SPTB: variants seen among roughly 807,000 people sequenced by gnomAD.
SPTB encodes the protein spectrin beta, erythrocytic, also known as spectrin beta chain, erythrocytic.
Under a neutral mutation model 256.2 loss-of-function variants are expected in SPTB, and 45 were observed. The ratio of observed to expected loss-of-function variants is 0.18; its 90% CI spans 0.14 to 0.23. The LOEUF is 0.23. SPTB is among the 10% of genes least tolerant of loss of function. The pLI is 1.00. For synonymous variants in SPTB, 1,231 were observed against 1,243.1 expected (o/e 0.99, Z 0.21); for missense variants, 2,715 against 3,040.4 (o/e 0.89, Z 2.52).
chr14:64,754,107 T>A (rs1594739773), intron 32 of SPTB: 1 of 483,716 alleles, frequency 2.1e-6, no homozygotes, highest in Non-Finnish European at 3.8e-6. Flanking sequence ...CCTGAGTGAT[T>A]ATTTCATTAA....
At chr14:64,791,404 A>G (rs1272863029) in intron 15 of SPTB, among the ~76,000 whole-genome samples, 3 of 151,988 alleles carry the variant, frequency 2.0e-5, no homozygotes, top group Non-Finnish European at 4.4e-5. Flanking sequence ...CATCTCTACT[A>G]AAAATACAAA....
Position 64,785,408 on chromosome 14 carries a change from G to T in SPTB, c.3855+129C>A. The T allele has an allele frequency of 1.2e-6, 1 of 806,332 alleles. No homozygotes were observed. 49.9% of individuals were successfully genotyped at this position (806,332 alleles called of 1,614,324 possible). A position where few individuals can be genotyped will look rare whatever the true frequency, so the allele number is the denominator to read the frequency against. ...AGAGAATGACCCAATTAAGTACCCA[G>T]AGGTCCCCGCTCATGGAATCCCACA... On this transcript the variant is annotated intron_variant, in intron 18 of 35. Coordinates refer to ENST00000644917, the MANE Select transcript of SPTB (RefSeq NM_001355436.2). This position sits in a 1 kb window ranked among gnomAD's most constrained non-coding sequence, Gnocchi z 4.4.
At chr14:64,855,176 T>TA (rs754892350) in intron 1 of SPTB, among the ~76,000 whole-genome samples, 4 of 151,644 alleles carry the variant, frequency 2.6e-5, no homozygotes, top group East Asian at 1.9e-4. Context: ...ACAGACAAAA[T>TA]AAAAAAGCAG....
chr14:64,823,002 A>G lies in SPTB; in HGVS notation c.93T>C (p.Asp31=), dbSNP rs749224566. ...AGAGCCTGGCTGAGCTGTTGTCATT[A>G]TCCAGCTCGTCGTCTGGGGCGTCCC... ...ARWDAPDDEL[D]NDNSSARLFE... Residue 31 remains aspartate, a synonymous_variant, in exon 2 of 36, where the codon GAT becomes GAC. Coordinates refer to ENST00000644917, the MANE Select transcript of SPTB (RefSeq NM_001355436.2). This position sits in a 1 kb window ranked among gnomAD's most constrained non-coding sequence, Gnocchi z 6.5. 1.3e-5 allele frequency: 21 copies of G among 1,613,928 alleles called. No homozygotes were observed. Among genetic ancestry groups the G allele is most frequent in the Non-Finnish European group, 1.7e-5 (20 of 1,180,038 alleles).
At chr14:64,768,326 C>T (rs2082222228) in intron 29 of SPTB, 1 of 231,128 alleles carries the variant, frequency 4.3e-6, no homozygotes, top group Non-Finnish European at 8.6e-6. Flanking sequence ...AGATGTTACC[C>T]ACCATGCCTG....
chr14:64,868,461 G>A (rs1350502407), intron 1 of SPTB, among the ~76,000 whole-genome samples: 1 of 152,188 alleles, frequency 6.6e-6, no homozygotes, highest in Non-Finnish European at 1.5e-5. Flanking sequence ...ATGACATGGT[G>A]AGCTTGAGAC....
intron 1 of SPTB, among the ~76,000 whole-genome samples, chr14:64,836,250 A>C (rs2139739423): frequency 6.6e-6 from 1 of 152,296 alleles, no homozygotes; most frequent in African/African-American, 2.4e-5. Flanking sequence ...CCCTCTATTT[A>C]CACTGATTTA....
chr14:64,776,621 T>C (rs1566749864), intron 22 of SPTB, among the ~76,000 whole-genome samples: 1 of 152,176 alleles, frequency 6.6e-6, no homozygotes, highest in Non-Finnish European at 1.5e-5. Flanking sequence ...TTTGTATTTT[T>C]TGTAGAGATG....
intron 28 of SPTB, 151 bp downstream of exon 28, chr14:64,769,439 G>A (rs1426399473): frequency 1.1e-5 from 12 of 1,096,692 alleles, no homozygotes; most frequent in Admixed American, 1.0e-4. Flanking sequence ...TCCAATCCCC[G>A]GGCCTGTGTG....
rs753911478 is a variant in SPTB, at chr14:64,841,753, A to T, written c.-51-18608T>A. The stretch of plus-strand genomic sequence containing the variant: ...CCTCTGACATCCCATATATATATAT[A>T]TATTTTTTAAGGGTCTTTCTTTAAC... On this transcript the variant is annotated intron_variant, in intron 1 of 35. Coordinates refer to ENST00000644917, the MANE Select transcript of SPTB (RefSeq NM_001355436.2). This position sits in a 1 kb window ranked among gnomAD's most constrained non-coding sequence, Gnocchi z 4.6. Among the ~76,000 whole-genome samples, 13 of 152,074 alleles carry T rather than the reference A, an allele frequency of 8.5e-5. No homozygotes were observed. Among genetic ancestry groups the T allele is most frequent in the South Asian group, 2.1e-4 (1 of 4,812 alleles).
Position 64,784,476 on chromosome 14 carries a change from AAGG to A in SPTB, c.3856-86_3856-84del, listed in dbSNP as rs747757496. 5.3e-5 allele frequency: 82 copies of A among 1,556,694 alleles called. 2 individuals carry two copies. The East Asian group carries it at 1.0e-3, about 20-fold the overall frequency. On this transcript the variant is annotated intron_variant, in intron 18 of 35. Coordinates refer to ENST00000644917, the MANE Select transcript of SPTB (RefSeq NM_001355436.2). ...ACCTGCTGCCCATCCCTGGCTGCAG[AAGG>A]AGAAGGCCATGGGGAGGAAGTGCAA... is the stretch of plus-strand genomic sequence containing the variant.
chr14:64,791,640 A>G, intron 15 of SPTB, 79 bp downstream of exon 15: 1 of 1,549,114 alleles, frequency 6.5e-7, no homozygotes. Flanking sequence ...TAGGTGGACT[A>G]AATTTTGGGC....
In SPTB at chr14:64,749,096, C is replaced by T. The variant is rs912261667; in HGVS notation, c.*210G>A. ...GAGCTGGGAGCCCCTGTCCCTGGAG[C>T]GGAGCCAGCGCGGGCGAGGGCATGG... On this transcript the variant is annotated 3_prime_UTR_variant, in exon 36 of 36. Coordinates refer to ENST00000644917, the MANE Select transcript of SPTB (RefSeq NM_001355436.2). The surrounding 1 kb of genome is among the most constrained non-coding windows in gnomAD (Gnocchi z 4.7). 12 of 511,436 alleles carry T rather than the reference C, an allele frequency of 2.3e-5. No individual in the cohort carries two copies. Among genetic ancestry groups the T allele is most frequent in the African/African-American group, 1.0e-4 (5 of 47,676 alleles). 31.7% of individuals were successfully genotyped at this position (511,436 alleles called of 1,614,324 possible).
At chr14:64,787,254 C>T (rs2082588897) in intron 15 of SPTB, 94 bp from the exon 16 acceptor site, 2 of 1,506,748 alleles carry the variant, frequency 1.3e-6, no homozygotes, top group African/African-American at 1.4e-5. Context: ...ACATTTCCCA[C>T]AAGTCTCCCC....
chr14:64,774,342 G>A (rs1566747776), intron 24 of SPTB, 55 bp downstream of exon 24: 2 of 1,543,334 alleles, frequency 1.3e-6, no homozygotes, highest in Non-Finnish European at 1.8e-6. Flanking sequence ...TTGGCTGGTG[G>A]GCCCCTGGCT....
chr14:64,776,821 G>A (rs545783218), intron 22 of SPTB, among the ~76,000 whole-genome samples: 1 of 152,252 alleles, frequency 6.6e-6, no homozygotes, highest in Non-Finnish European at 1.5e-5. Flanking sequence ...CTTCTTCCCT[G>A]TCTTCATTCA....
At position 64,827,851 on chromosome 14, in the gene SPTB, G is replaced by A. The variant is rs1367379017; in HGVS notation, c.-51-4706C>T. ...TCAATATGGCTAAGACTGAGCATGGGGCTACCAGGACAGCAGAACCAGGGA... is the reference window on the plus strand; with the variant it reads ...TCAATATGGCTAAGACTGAGCATGGAGCTACCAGGACAGCAGAACCAGGGA... On this transcript the variant is annotated intron_variant, in intron 1 of 35. Transcript: ENST00000644917. This position sits in a 1 kb window ranked among gnomAD's most constrained non-coding sequence, Gnocchi z 4.6. Among the ~76,000 whole-genome samples, 1 of 152,122 alleles carries A rather than the reference G, an allele frequency of 6.6e-6. No homozygotes were observed. The highest frequency in any genetic ancestry group is 1.5e-5 in the Non-Finnish European group (1 of 68,034).
At position 64,765,816 on chromosome 14, in the gene SPTB, GT is replaced by G. The variant is rs1566740440; in HGVS notation, c.6345+909del. Among the ~76,000 whole-genome samples the G allele has an allele frequency of 9.2e-4, 132 of 143,788 alleles. 1 individual carries two copies. Among genetic ancestry groups the G allele is most frequent in the Middle Eastern group, 7.2e-3 (2 of 278 alleles). 94.3% of individuals were successfully genotyped at this position (143,788 alleles called of 152,430 possible). On this transcript the variant is annotated intron_variant, in intron 32 of 35. Transcript: ENST00000644917. ...AGCTGAGTGATTGGGGTGTGTGTGTGTGTGAGTGTGTGTGTGTGTGGGGGTG... is the reference window on the plus strand; with the variant it reads ...AGCTGAGTGATTGGGGTGTGTGTGTGGTGAGTGTGTGTGTGTGTGGGGGTG...
In SPTB at chr14:64,782,286, G is replaced by A. The variant is rs781286984; in HGVS notation, c.4266+4C>T. 1.4e-5 allele frequency: 23 copies of A among 1,613,992 alleles called. No individual in the cohort carries two copies. Among genetic ancestry groups the A allele is most frequent in the African/African-American group, 2.7e-5 (2 of 74,886 alleles). The stretch of plus-strand genomic sequence containing the variant: ...CACTCTGAGTCTACAACCCACTCAC[G>A]TGCCTTCAGCTTAGCCAACATCCGA... On this transcript the variant is annotated splice_donor_region_variant and intron_variant, in intron 20 of 35. Transcript: ENST00000644917.
Sources: allele counts gnomAD v4.1 joint callset (sites outside exome capture counted in the v4.1 genomes callset), GRCh38; gene constraint gnomAD v4.1.1; non-coding constraint Gnocchi (gnomAD v3.1); transcripts MANE v1.5; gene names NCBI Gene and HGNC (gene_info 2026-07-23, HGNC 2026-07-21).